VPS13B: variants seen among roughly 807,000 people sequenced by gnomAD.
VPS13B encodes intermembrane lipid transfer protein VPS13B.
In VPS13B, 285 loss-of-function variants were observed where a neutral mutation model predicts 426.4. The ratio of observed to expected loss-of-function variants is 0.67; its 90% confidence interval spans 0.61 to 0.74. The LOEUF (loss-of-function observed/expected upper bound fraction) is 0.74. Among genes scored for constraint, VPS13B ranks in the 30% least tolerant of loss-of-function variants. The pLI, the probability that VPS13B is intolerant of heterozygous loss-of-function variation, is 0.00. For missense variants in VPS13B, 4,537 were observed against 4,782.6 expected, an observed-to-expected ratio of 0.95 and a Z score of 1.51; for synonymous variants, 1,676 against 1,676.4, an observed-to-expected ratio of 1.00 and a Z score of 0.01.
intron 33 of VPS13B, among the ~76,000 whole-genome samples, chr8:99,619,222 C>T (rs1346587457): frequency 6.6e-6 from 1 of 152,154 alleles, no homozygotes; most frequent in Non-Finnish European, 1.5e-5. Context: ...ATGGCTTAGG[C>T]TTGAGTTTCT....
chr8:99,831,938 T>C (rs1413783289), intron 51 of VPS13B, among the ~76,000 whole-genome samples: 1 of 152,152 alleles, frequency 6.6e-6, no homozygotes, highest in African/African-American at 2.4e-5. Flanking sequence ...TTTCTAAAAA[T>C]ACATAGTTAT....
At chr8:99,662,535 C>T (rs1486289666) in intron 35 of VPS13B, among the ~76,000 whole-genome samples, 2 of 152,098 alleles carry the variant, frequency 1.3e-5, no homozygotes, top group African/African-American at 4.8e-5. Context: ...TAGCCTCAAT[C>T]TCCTGGGCTC....
At chr8:99,427,576 C>T (rs1816797110) in intron 21 of VPS13B, among the ~76,000 whole-genome samples, 1 of 152,156 alleles carries the variant, frequency 6.6e-6, no homozygotes, top group Non-Finnish European at 1.5e-5. Context: ...ATCCAACTTA[C>T]AAGGGACGTG....
chr8:99,720,254 GT>G, intron 37 of VPS13B, 90 bp from the exon 38 acceptor site: 1 of 1,029,546 alleles, frequency 9.7e-7, no homozygotes, highest in Non-Finnish European at 1.5e-6. Context: ...CATAATTACA[GT>G]CCTACATTAA....
chr8:99,715,473 T>C (rs1344178026), intron 36 of VPS13B, among the ~76,000 whole-genome samples: 1 of 152,210 alleles, frequency 6.6e-6, no homozygotes, highest in Non-Finnish European at 1.5e-5. Context: ...TAGAAATTGA[T>C]AAGTTTTAGA....
intron 30 of VPS13B, among the ~76,000 whole-genome samples, chr8:99,553,593 G>C (rs1175905539): frequency 6.6e-6 from 1 of 151,838 alleles, no homozygotes; most frequent in Non-Finnish European, 1.5e-5. Flanking sequence ...CTTTATAATA[G>C]TCATATCAAA....
At position 99,187,309 on chromosome 8, in the gene VPS13B, A is replaced by G. The variant is rs917207152; in HGVS notation, c.2334-5567A>G. ...CTATTTTAAAATGCTTATAGAATAA[A>G]AAGGAAAATGAGAAAGAAAAGAAAA... is the stretch of plus-strand genomic sequence containing the variant. On this transcript the variant is annotated intron_variant, in intron 16 of 61. Transcript: ENST00000357162. Among the ~76,000 whole-genome samples, 11 of 152,208 alleles carry G rather than the reference A, an allele frequency of 7.2e-5. 1 individual carries two copies. In the East Asian group the frequency reaches 2.1e-3, roughly 29 times the overall value.
intron 36 of VPS13B, among the ~76,000 whole-genome samples, chr8:99,711,229 C>A (rs1832697560): frequency 6.6e-6 from 1 of 151,956 alleles, no homozygotes; most frequent in East Asian, 1.9e-4. Context: ...GTGTAGCAGA[C>A]AAGGAAGGCA....
At chr8:99,204,458 T>C (rs1038911754) in intron 17 of VPS13B, among the ~76,000 whole-genome samples, 7 of 152,210 alleles carry the variant, frequency 4.6e-5, no homozygotes, top group African/African-American at 1.4e-4. Context: ...GGCAAAGACT[T>C]TGTGACTTAA....
chr8:99,507,963 G>C lies in VPS13B; in HGVS notation c.4224+760G>C, dbSNP rs570291518. The C allele has an allele frequency of 1.7e-5, 28 of 1,612,610 alleles. No individual in the cohort carries two copies. In the African/African-American group the frequency reaches 3.2e-4, roughly 18 times the overall value. On this transcript the variant is annotated intron_variant, in intron 28 of 61. Coordinates refer to ENST00000357162, the MANE Select transcript of VPS13B (RefSeq NM_152564.5). ...CACAACTCCCATTAACAGGAACCCAGAGAAGGAATTGAATGATTCATAGAG... is the reference window on the plus strand; with the variant it reads ...CACAACTCCCATTAACAGGAACCCACAGAAGGAATTGAATGATTCATAGAG...
intron 3 of VPS13B, among the ~76,000 whole-genome samples, chr8:99,083,029 T>C (rs1845570974): frequency 6.6e-6 from 1 of 152,220 alleles, no homozygotes; most frequent in Non-Finnish European, 1.5e-5. Flanking sequence ...GGGAATGGCA[T>C]TGAATCTATA....
intron 21 of VPS13B, among the ~76,000 whole-genome samples, chr8:99,420,162 C>CT (rs1049300213): frequency 1.3e-5 from 2 of 152,132 alleles, no homozygotes; most frequent in African/African-American, 4.8e-5. Context: ...GAAGTGCTTA[C>CT]TATGAAAACT....
intron 17 of VPS13B, 49 bp from the exon 18 acceptor site, chr8:99,274,149 A>C: frequency 6.2e-7 from 1 of 1,611,240 alleles, no homozygotes; most frequent in Non-Finnish European, 8.5e-7. Flanking sequence ...GGAATATAAA[A>C]ATTATTTAAA....
intron 17 of VPS13B, 97 bp from the exon 18 acceptor site, chr8:99,274,101 A>C: frequency 6.7e-7 from 1 of 1,492,866 alleles, no homozygotes; most frequent in South Asian, 1.1e-5. Flanking sequence ...TCTGAGGTAG[A>C]CAGTTAGAGT....
intron 56 of VPS13B, among the ~76,000 whole-genome samples, chr8:99,856,523 G>C (rs1398964900): frequency 6.6e-6 from 1 of 152,196 alleles, no homozygotes; most frequent in East Asian, 1.9e-4. Flanking sequence ...GGAAGTTGTG[G>C]TATCAACTTG....
intron 3 of VPS13B, among the ~76,000 whole-genome samples, chr8:99,071,643 G>A (rs1273453484): frequency 6.6e-6 from 1 of 152,150 alleles, no homozygotes; most frequent in African/African-American, 2.4e-5. Flanking sequence ...CCATGCTTGT[G>A]TCTTTCCCTT....
At chr8:99,600,814 T>C (rs188275699) in intron 33 of VPS13B, among the ~76,000 whole-genome samples, 154 of 152,286 alleles carry the variant, frequency 1.0e-3, no homozygotes, top group African/African-American at 3.5e-3. Flanking sequence ...ACATGTTTGC[T>C]TGTAGGCATC....
chr8:99,038,512 G>A lies in VPS13B; in HGVS notation c.237G>A (p.Val79=). ...GGACAAAACTGGGTTCAGAACCAGT[G>A]GTAATTACCATCAATACTATGGAAT... The part of the protein sequence containing the change: ...VPWTKLGSEP[V]VITINTMECI... Residue 79 remains valine, a synonymous_variant, in exon 3 of 62, where the codon GTG becomes GTA. Transcript: ENST00000357162. The A allele has an allele frequency of 6.2e-7, 1 of 1,612,450 alleles. No homozygotes were observed. Among genetic ancestry groups the A allele is most frequent in the Non-Finnish European group, 8.5e-7 (1 of 1,179,080 alleles).
intron 3 of VPS13B, among the ~76,000 whole-genome samples, chr8:99,070,375 C>CT (rs1587994803): frequency 6.6e-6 from 1 of 152,140 alleles, no homozygotes; most frequent in African/African-American, 2.4e-5. Flanking sequence ...TCTGTGAAAA[C>CT]TTTAATTCTT....
Sources: allele counts gnomAD v4.1 joint callset (sites outside exome capture counted in the v4.1 genomes callset), GRCh38; gene constraint gnomAD v4.1.1; transcripts MANE v1.5; gene names NCBI Gene and HGNC (gene_info 2026-07-23, HGNC 2026-07-21).